The following XKR4 variants were observed in gnomAD, a reference collection of about 807,000 sequenced individuals.
The protein encoded by XKR4 is XK related 4.
In XKR4, 12 loss-of-function variants were observed where a neutral mutation model predicts 53.9. The ratio of observed to expected loss-of-function variants is 0.22; its 90% confidence interval spans 0.14 to 0.36. The LOEUF is 0.36. Ranked by LOEUF, XKR4 falls within the 10% of genes least tolerant of loss-of-function variation. XKR4 has a pLI of 1.00. For missense variants in XKR4, 799 were observed against 859.5 expected, an observed-to-expected ratio of 0.93 and a Z score of 0.88; for synonymous variants, 354 against 362.4, an observed-to-expected ratio of 0.98 and a Z score of 0.26.
chr8:55,420,104 G>A (rs998955421), intron 2 of XKR4, among the ~76,000 whole-genome samples: 1 of 151,828 alleles, frequency 6.6e-6, no homozygotes, highest in African/African-American at 2.4e-5. Flanking sequence ...TGTGGTTTGG[G>A]CTTTTTTTTT....
chr8:55,500,908 C>T lies in XKR4; in HGVS notation c.1007-22373C>T, dbSNP rs2622571. Among the ~76,000 whole-genome samples, 749 of 152,212 alleles carry T rather than the reference C, an allele frequency of 4.9e-3. 7 individuals are homozygous for T. Among genetic ancestry groups the T allele is most frequent in the African/African-American group, 0.017 (701 of 41,538 alleles). ...AATACAGCCTTTGCCATTATACACA[C>T]ATGCCTACAAGTAACTAAGAATGGC... On this transcript the variant is annotated intron_variant, in intron 2 of 2. Transcript: ENST00000327381.
At chr8:55,412,840 C>A (rs1053810371) in intron 2 of XKR4, among the ~76,000 whole-genome samples, 4 of 152,186 alleles carry the variant, frequency 2.6e-5, no homozygotes, top group African/African-American at 9.7e-5. Flanking sequence ...TCCTGCCATT[C>A]CTGATGAACA....
At chr8:55,394,195 C>T (rs1804484228) in intron 2 of XKR4, among the ~76,000 whole-genome samples, 1 of 152,164 alleles carries the variant, frequency 6.6e-6, no homozygotes, top group South Asian at 2.1e-4. Flanking sequence ...AACTAGCTCA[C>T]CTTCATTCAG....
chr8:55,181,209 C>T (rs568012388), intron 1 of XKR4, among the ~76,000 whole-genome samples: 24 of 152,178 alleles, frequency 1.6e-4, no homozygotes, highest in Non-Finnish European at 2.9e-4. Flanking sequence ...CATCTAGATT[C>T]TCCAGCTCAT....
intron 1 of XKR4, among the ~76,000 whole-genome samples, chr8:55,258,361 TA>T (rs1464186649): frequency 7.9e-5 from 12 of 152,152 alleles, no homozygotes; most frequent in Non-Finnish European, 1.3e-4. Flanking sequence ...TTTAGCAAGG[TA>T]AAGAGGAACG....
In XKR4 at chr8:55,191,794, A is replaced by G. The variant is rs536129560; in HGVS notation, c.806+88500A>G. ...CAATTTTACTATTACATTCTTGACA[A>G]AGAATCAGAAGAACATTCCCACTTT... On this transcript the variant is annotated intron_variant, in intron 1 of 2. Coordinates refer to ENST00000327381, the MANE Select transcript of XKR4 (RefSeq NM_052898.2). Among the ~76,000 whole-genome samples the G allele has an allele frequency of 2.2e-3, 341 of 152,066 alleles. 1 individual carries two copies. Among genetic ancestry groups the G allele is most frequent in the African/African-American group, 8.0e-3 (330 of 41,484 alleles).
chr8:55,428,118 G>A (rs1381935238), intron 2 of XKR4, among the ~76,000 whole-genome samples: 7 of 152,166 alleles, frequency 4.6e-5, no homozygotes, highest in Middle Eastern at 3.2e-3. Context: ...CATCCAGGAA[G>A]ATGTAGTATA....
chr8:55,431,404 T>C (rs1464568260), intron 2 of XKR4, among the ~76,000 whole-genome samples: 1 of 152,176 alleles, frequency 6.6e-6, no homozygotes, highest in Non-Finnish European at 1.5e-5. Flanking sequence ...AGAATCAAAG[T>C]TCAAAATGCT....
intron 1 of XKR4, among the ~76,000 whole-genome samples, chr8:55,219,700 T>G (rs1182697331): frequency 6.6e-6 from 1 of 152,218 alleles, no homozygotes; most frequent in East Asian, 1.9e-4. Context: ...TAAATTTTTT[T>G]TAAAAATCCA....
At chr8:55,229,235 C>CCCAT (rs148479483) in intron 1 of XKR4, among the ~76,000 whole-genome samples, 1,660 of 152,308 alleles carry the variant, frequency 0.011, 34 homozygotes, top group African/African-American at 0.037. Context: ...GACAGCACTA[C>CCCAT]CCATCCGCCC....
chr8:55,472,144 C>G (rs1032255835), intron 2 of XKR4, among the ~76,000 whole-genome samples: 1 of 152,060 alleles, frequency 6.6e-6, no homozygotes, highest in Non-Finnish European at 1.5e-5. Context: ...CAGTGTCAGC[C>G]TGGAAATCAG....
intron 2 of XKR4, chr8:55,452,390 A>T: frequency 1.6e-6 from 1 of 627,376 alleles, no homozygotes; most frequent in Non-Finnish European, 2.9e-6. Flanking sequence ...CCCGGTACGT[A>T]GTGAGGAAGA....
intron 1 of XKR4, among the ~76,000 whole-genome samples, chr8:55,303,815 T>C (rs1819245601): frequency 6.6e-6 from 1 of 152,214 alleles, no homozygotes; most frequent in Non-Finnish European, 1.5e-5. Flanking sequence ...CTGATGGTAG[T>C]TTGTATTTCT....
chr8:55,476,248 T>G (rs954439259), intron 2 of XKR4, among the ~76,000 whole-genome samples: 2 of 151,996 alleles, frequency 1.3e-5, no homozygotes, highest in African/African-American at 4.8e-5. Context: ...GACCCAGTCA[T>G]GTGTGACATG....
chr8:55,332,877 G>A (rs532274617), intron 1 of XKR4, among the ~76,000 whole-genome samples: 8 of 149,736 alleles, frequency 5.3e-5, no homozygotes, highest in African/African-American at 2.0e-4. Flanking sequence ...TAGTTTGCTT[G>A]ATGATGTCTC....
chr8:55,438,841 T>C (rs933633210), intron 2 of XKR4, among the ~76,000 whole-genome samples: 2 of 152,262 alleles, frequency 1.3e-5, no homozygotes, highest in African/African-American at 2.4e-5. Context: ...GAAAGCACTA[T>C]CTGGAGCAAC....
At position 55,400,548 on chromosome 8, in the gene XKR4, G is replaced by A. The variant is rs565458084; in HGVS notation, c.1006+42671G>A. ...GTGAGAGGAGGAATCCCCATGGGGC[G>A]GTAATGAGGGAGTCCAAGTGGCTTG... is the stretch of plus-strand genomic sequence containing the variant. On this transcript the variant is annotated intron_variant, in intron 2 of 2. Transcript: ENST00000327381. Among the ~76,000 whole-genome samples, 7 of 152,236 alleles carry A rather than the reference G, an allele frequency of 4.6e-5. No homozygotes were observed. The South Asian group carries it at 1.0e-3, about 23-fold the overall frequency.
rs1283151235 is a variant in XKR4, at chr8:55,230,547, T to C, written c.807-127131T>C. Among the ~76,000 whole-genome samples the C allele has an allele frequency of 4.6e-5, 7 of 152,024 alleles. 1 individual carries two copies. The highest frequency in any genetic ancestry group is 1.3e-4 in the Admixed American group (2 of 15,274). ...CATGCCTGGCTAATTTTCATATTTT[T>C]AGTAGAGACAGGGTTTCACCATGTT... On this transcript the variant is annotated intron_variant, in intron 1 of 2. Transcript: ENST00000327381.
chr8:55,357,712 C>T lies in XKR4; in HGVS notation c.841C>T (p.Arg281Ter). ...FHTIYLGIRS[R>*]QSGENDRWRF... ...CACAATATACTTAGGTATTCGAAGC[C>T]GACAGAGTGGGGAGAATGACAGATG... Residue 281 changes from arginine to a stop codon, truncating the protein, a stop_gained, in exon 2 of 3, where the codon CGA becomes TGA. Coordinates refer to ENST00000327381, the MANE Select transcript of XKR4 (RefSeq NM_052898.2). LOFTEE classifies it high-confidence loss of function. 1 of 1,614,098 alleles carries T rather than the reference C, an allele frequency of 6.2e-7. No individual in the cohort carries two copies. The highest frequency in any genetic ancestry group is 8.5e-7 in the Non-Finnish European group (1 of 1,180,012).
Sources: gnomAD v4.1 joint callset for allele counts (sites outside exome capture counted in the v4.1 genomes callset) on GRCh38, gnomAD v4.1.1 for gene constraint, MANE v1.5 for transcripts, NCBI Gene and HGNC (gene_info 2026-07-23, HGNC 2026-07-21) for gene names.